The following DHRS3 variants were observed in gnomAD, a reference collection of about 807,000 sequenced individuals.
DHRS3 encodes the protein dehydrogenase/reductase 3.
In DHRS3, 14 loss-of-function variants were observed where a neutral mutation model predicts 27.2. The observed-to-expected ratio is 0.52, with a 90% CI of 0.34 to 0.81. DHRS3 has a LOEUF of 0.81. Ranked by LOEUF, DHRS3 falls within the 30% of genes least tolerant of loss-of-function variation. The pLI is 0.01. For missense variants in DHRS3, 322 were observed against 406.2 expected (o/e 0.79, Z 1.78); for synonymous variants, 165 against 175.9 (o/e 0.94, Z 0.49).
chr1:12,573,138 T>C (rs1055809162), intron 4 of DHRS3, among the ~76,000 whole-genome samples: 1 of 152,226 alleles, frequency 6.6e-6, no homozygotes, highest in African/African-American at 2.4e-5. Flanking sequence ...GGGCTTGGCC[T>C]TTCCATGGCC....
chr1:12,584,497 C>A (rs1028435630), intron 1 of DHRS3, among the ~76,000 whole-genome samples: 2 of 146,662 alleles, frequency 1.4e-5, no homozygotes, highest in African/African-American at 5.0e-5. Flanking sequence ...CCCCACCCCC[C>A]AGGCCCCAAT....
chr1:12,609,641 C>T (rs564369006), intron 1 of DHRS3, among the ~76,000 whole-genome samples: 6 of 152,264 alleles, frequency 3.9e-5, no homozygotes, highest in Non-Finnish European at 8.8e-5. Context: ...GGAAACCTGG[C>T]GGCCTCCTAG....
At position 12,593,666 on chromosome 1, in the gene DHRS3, C is replaced by T. The variant is rs928065918; in HGVS notation, c.196-13000G>A. Among the ~76,000 whole-genome samples the T allele has an allele frequency of 5.3e-5, 8 of 152,284 alleles. No individual in the cohort carries two copies. In the East Asian group the frequency reaches 1.5e-3, roughly 29 times the overall value. On this transcript the variant is annotated intron_variant, in intron 1 of 5. Coordinates refer to ENST00000616661, the MANE Select transcript of DHRS3 (RefSeq NM_004753.7). The surrounding 1 kb of genome is among the most constrained non-coding windows in gnomAD (Gnocchi z 4.6). The stretch of plus-strand genomic sequence containing the variant: ...CAGGCATGTCTCCCCCTGTGATGAG[C>T]ACCTAGTGTTCCTGAGGACACTCCT...
At position 12,569,191 on chromosome 1, in the gene DHRS3, T is replaced by G. The variant is rs375456564; in HGVS notation, c.825-767A>C. 7.0e-5 allele frequency among the ~76,000 whole-genome samples: 8 copies of G among 114,140 alleles called. No homozygotes were observed. In the South Asian group the frequency reaches 3.0e-3, roughly 42 times the overall value. The allele number at this position is 114,140 out of a possible 152,430, so 74.9% of individuals were successfully genotyped here. ...GAGATCGCGCCGTTGCACTCCAGCC[T>G]GGGCGACAAGAGTAAAACTCTGTCC... On this transcript the variant is annotated intron_variant, in intron 5 of 5. Coordinates refer to ENST00000616661, the MANE Select transcript of DHRS3 (RefSeq NM_004753.7).
intron 1 of DHRS3, among the ~76,000 whole-genome samples, chr1:12,604,478 G>A (rs1385415205): frequency 1.3e-5 from 2 of 152,190 alleles, no homozygotes; most frequent in East Asian, 3.8e-4. Flanking sequence ...TGCTCTAAAT[G>A]ATGTTTGTGT....
intron 1 of DHRS3, among the ~76,000 whole-genome samples, chr1:12,607,535 CCTT>C (rs1212742686): frequency 6.6e-6 from 1 of 152,170 alleles, no homozygotes; most frequent in East Asian, 1.9e-4. Context: ...TTCCCCTTCT[CCTT>C]CTGCCATGAT....
At chr1:12,575,233 A>G (rs1426363474) in intron 4 of DHRS3, among the ~76,000 whole-genome samples, 2 of 151,972 alleles carry the variant, frequency 1.3e-5, no homozygotes, top group Admixed American at 1.3e-4. Flanking sequence ...AGGCTGAGAC[A>G]GGAGAATTGC....
In DHRS3 at chr1:12,617,520, GAAAAAAAAA is replaced by G. The variant is rs58614555; in HGVS notation, c.-181_-173del. 52 of 131,854 alleles carry G rather than the reference GAAAAAAAAA, an allele frequency of 3.9e-4. 3 individuals carry two copies. Among genetic ancestry groups the G allele is most frequent in the Middle Eastern group, 6.4e-3 (2 of 314 alleles). The allele number at this position is 131,854 out of a possible 1,614,324, so 8.2% of individuals were successfully genotyped here. A position where few individuals can be genotyped will look rare whatever the true frequency, so the allele number is the denominator to read the frequency against. The stretch of plus-strand genomic sequence containing the variant: ...AATGCAAAGCACCGGGTGAGAAAAA[GAAAAAAAAA>G]AAAAAAAAAAAGATAAATTCTCCTC... On this transcript the variant is annotated 5_prime_UTR_variant, in exon 1 of 6. Transcript: ENST00000616661.
chr1:12,571,307 G>A lies in DHRS3; in HGVS notation c.824+1421C>T, dbSNP rs752660512. Among the ~76,000 whole-genome samples the A allele has an allele frequency of 7.2e-4, 109 of 152,188 alleles. 3 individuals are homozygous for A. The highest frequency in any genetic ancestry group is 3.1e-4 in the Non-Finnish European group (21 of 68,048). Reference sequence around the variant, plus strand: ...GAGGAGTCTCTCATTTATAAAGCCTGCCTCCCCAAAGTGGTCTGCCCTGCT... The same window carrying A: ...GAGGAGTCTCTCATTTATAAAGCCTACCTCCCCAAAGTGGTCTGCCCTGCT... On this transcript the variant is annotated intron_variant, in intron 5 of 5. Coordinates refer to ENST00000616661, the MANE Select transcript of DHRS3 (RefSeq NM_004753.7).
Position 12,615,436 on chromosome 1 carries a change from G to A in DHRS3, c.195+1718C>T, listed in dbSNP as rs79244028. ...CCAAGTTAGGTGGGGTTTGGTTCCC[G>A]GTGCGTGAACTTGCAGGCTCCACTC... is the stretch of plus-strand genomic sequence containing the variant. On this transcript the variant is annotated intron_variant, in intron 1 of 5. Coordinates refer to ENST00000616661, the MANE Select transcript of DHRS3 (RefSeq NM_004753.7). 5.4e-3 allele frequency among the ~76,000 whole-genome samples: 829 copies of A among 152,246 alleles called. 21 individuals carry two copies. In the East Asian group the frequency reaches 0.067, roughly 12 times the overall value.
chr1:12,597,228 C>G (rs1646804857), intron 1 of DHRS3, among the ~76,000 whole-genome samples: 1 of 152,214 alleles, frequency 6.6e-6, no homozygotes, highest in Non-Finnish European at 1.5e-5. Context: ...AGGCGCCCAC[C>G]ACCGCACCTG....
chr1:12,570,118 CAG>C (rs1330462700), intron 5 of DHRS3: 2 of 152,174 alleles, frequency 1.3e-5, no homozygotes, highest in Admixed American at 6.5e-5. Context: ...ACAGGCAGCT[CAG>C]AGATCCATCG....
rs201969624 is a variant in DHRS3, at chr1:12,617,260, G to C, written c.89C>G (p.Pro30Arg). The change falls in exon 1 of 6, where the codon CCC becomes CGC. Residue 30 changes from proline to arginine, a missense_variant. Transcript: ENST00000616661. ...CCGCGACAGGTCCCGCAGCTTGGCG[G>C]GCAGCACCAGTCCGACGGCTGCTTT... The part of the protein sequence containing the change: ...VVKAAVGLVL[P>R]AKLRDLSREN... 6.3e-4 allele frequency: 1,011 copies of C among 1,613,820 alleles called. 16 individuals are homozygous for C. In the South Asian group the frequency reaches 0.011, roughly 17 times the overall value.
rs138170994 is a variant in DHRS3 at position 12,596,698 on chromosome 1, A to C, written c.196-16032T>G. ...TTGCTGTGTGACTTTTGGATGAGTC[A>C]CTTGGCATCTCTGAGCTTCACCATC... is the stretch of plus-strand genomic sequence containing the variant. On this transcript the variant is annotated intron_variant, in intron 1 of 5. Transcript: ENST00000616661. Among the ~76,000 whole-genome samples, 1,023 of 152,272 alleles carry C rather than the reference A, an allele frequency of 6.7e-3. 17 individuals are homozygous for C. The highest frequency in any genetic ancestry group is 0.024 in the African/African-American group (977 of 41,546).
In DHRS3 at chr1:12,617,501, A is replaced by C; in HGVS notation, c.-153T>G. ...TTGAAATCACCTCTTCCCAAATGCA[A>C]AGCACCGGGTGAGAAAAAGAAAAAA... On this transcript the variant is annotated 5_prime_UTR_variant, in exon 1 of 6. Transcript: ENST00000616661. The C allele has an allele frequency of 2.3e-6, 1 of 441,926 alleles. No individual in the cohort carries two copies. The highest frequency in any genetic ancestry group is 3.8e-6 in the Non-Finnish European group (1 of 263,464). 27.4% of individuals were successfully genotyped at this position (441,926 alleles called of 1,614,324 possible).
At chr1:12,575,482 T>C (rs1646578077) in intron 4 of DHRS3, among the ~76,000 whole-genome samples, 1 of 152,176 alleles carries the variant, frequency 6.6e-6, no homozygotes, top group African/African-American at 2.4e-5. Flanking sequence ...AGCATGGTTG[T>C]AGGAGGAAAC....
At chr1:12,607,859 G>A (rs930785882) in intron 1 of DHRS3, among the ~76,000 whole-genome samples, 1 of 151,892 alleles carries the variant, frequency 6.6e-6, no homozygotes, top group East Asian at 1.9e-4. Flanking sequence ...GTGTGTGTGT[G>A]TATGTGTGTG....
At chr1:12,613,008 C>T (rs1646920443) in intron 1 of DHRS3, among the ~76,000 whole-genome samples, 1 of 151,106 alleles carries the variant, frequency 6.6e-6, no homozygotes, top group South Asian at 2.1e-4. Context: ...TGCAGTGAGC[C>T]AAGATCACGC....
At chr1:12,581,622 A>G (rs958171389) in intron 1 of DHRS3, among the ~76,000 whole-genome samples, 25 of 152,236 alleles carry the variant, frequency 1.6e-4, no homozygotes, top group Non-Finnish European at 2.8e-4. Context: ...TGGCCAGCCC[A>G]TAAAAGGCTC....
Sources: allele counts gnomAD v4.1 joint callset (sites outside exome capture counted in the v4.1 genomes callset), GRCh38; gene constraint gnomAD v4.1.1; non-coding constraint Gnocchi (gnomAD v3.1); transcripts MANE v1.5; gene names NCBI Gene and HGNC (gene_info 2026-07-23, HGNC 2026-07-21).